Variants in MLIP observed in about 807,000 individuals in gnomAD.
The protein encoded by MLIP is muscular LMNA-interacting protein.
A neutral mutation model predicts 84.8 loss-of-function variants in MLIP; 79 were observed. The observed-to-expected ratio is 0.93, with a 90% CI of 0.78 to 1.12. MLIP has a LOEUF of 1.12. Ranked by LOEUF, MLIP falls within the 50% of genes most tolerant of loss-of-function variation. The probability of loss-of-function intolerance (pLI) is 0.00; values close to 1 mark genes in which losing one functional copy is unlikely to be tolerated. For missense variants in MLIP, 1,257 were observed against 1,160.6 expected (o/e 1.08, Z -1.21); for synonymous variants, 504 against 463.0 (o/e 1.09, Z -1.14).
chr6:54,032,835 T>C (rs1431971463), intron 1 of MLIP, among the ~76,000 whole-genome samples: 1 of 152,204 alleles, frequency 6.6e-6, no homozygotes, highest in Non-Finnish European at 1.5e-5. Context: ...ATTTTTTGGT[T>C]TCCCATGTGT....
At position 54,019,100 on chromosome 6, in the gene MLIP, T is replaced by C. The variant is rs774039599; in HGVS notation, c.63+9T>C. 3 of 1,611,370 alleles carry C rather than the reference T, an allele frequency of 1.9e-6. No individual in the cohort carries two copies. In the South Asian group the frequency reaches 3.3e-5, roughly 18 times the overall value. ...TAGAGGAGAAACTGACGGTAAGACATGAGATTTAGCACACACAGATTTATA... is the reference window on the plus strand; with the variant it reads ...TAGAGGAGAAACTGACGGTAAGACACGAGATTTAGCACACACAGATTTATA... On this transcript the variant is annotated intron_variant, in intron 1 of 12. Coordinates refer to the MLIP transcript ENST00000274897.
chr6:54,173,742 TTTAG>T (rs571207326), intron 9 of MLIP, among the ~76,000 whole-genome samples: 38 of 152,084 alleles, frequency 2.5e-4, no homozygotes, highest in African/African-American at 9.1e-4. Flanking sequence ...ATTATACTCT[TTTAG>T]TTATTTTAAA....
At chr6:54,222,654 T>C (rs1414149322) in intron 11 of MLIP, among the ~76,000 whole-genome samples, 1 of 152,144 alleles carries the variant, frequency 6.6e-6, no homozygotes, top group Admixed American at 6.6e-5. Context: ...TATTCCCATT[T>C]CTTGGCTATA....
intron 1 of MLIP, among the ~76,000 whole-genome samples, chr6:54,089,684 G>A (rs1406438817): frequency 2.0e-5 from 3 of 152,070 alleles, no homozygotes; most frequent in Non-Finnish European, 2.9e-5. Context: ...CCAAATATAC[G>A]TGAAGAATTT....
chr6:54,095,059 A>ACAGC (rs1057399100), intron 1 of MLIP, among the ~76,000 whole-genome samples: 4 of 152,200 alleles, frequency 2.6e-5, no homozygotes, highest in African/African-American at 9.7e-5. Flanking sequence ...ACCACGCTCC[A>ACAGC]CAGCCAGCCA....
chr6:54,106,057 T>C (rs1457170950), intron 1 of MLIP, among the ~76,000 whole-genome samples: 1 of 152,032 alleles, frequency 6.6e-6, no homozygotes, highest in Non-Finnish European at 1.5e-5. Flanking sequence ...GAGATGGAGA[T>C]TAGCATGCAA....
intron 8 of MLIP, among the ~76,000 whole-genome samples, chr6:54,165,897 A>G (rs1251527517): frequency 6.6e-6 from 1 of 151,912 alleles, no homozygotes; most frequent in East Asian, 1.9e-4. Flanking sequence ...TCCCTTACAA[A>G]ACAGTCCAGA....
intron 11 of MLIP, among the ~76,000 whole-genome samples, chr6:54,208,285 T>A (rs1779182340): frequency 6.6e-6 from 1 of 152,094 alleles, no homozygotes. Context: ...GATTAGAAAG[T>A]TCAAAAATTT....
intron 1 of MLIP, among the ~76,000 whole-genome samples, chr6:54,082,442 T>C (rs189602004): frequency 5.9e-5 from 9 of 152,326 alleles, no homozygotes; most frequent in Admixed American, 2.0e-4. Flanking sequence ...ACCACTCCCA[T>C]GATCCAATCA....
intron 11 of MLIP, among the ~76,000 whole-genome samples, chr6:54,213,440 G>A (rs1779601034): frequency 6.6e-6 from 1 of 152,160 alleles, no homozygotes; most frequent in Admixed American, 6.5e-5. Context: ...GGTGGCTCAC[G>A]CCTGTAATCC....
At chr6:54,019,412 C>T (rs10484652) in intron 1 of MLIP, among the ~76,000 whole-genome samples, 84,379 of 151,886 alleles carry the variant, frequency 0.56, 25,482 homozygotes, top group Non-Finnish European at 0.69. Context: ...TTTACGTATG[C>T]GAAGCTTAGC....
intron 5 of MLIP, among the ~76,000 whole-genome samples, chr6:54,153,124 A>G (rs1479876763): frequency 6.6e-6 from 1 of 152,164 alleles, no homozygotes; most frequent in Non-Finnish European, 1.5e-5. Flanking sequence ...AGAATTCTGG[A>G]GCAGCTCAGT....
chr6:54,124,827 A>G lies in MLIP; in HGVS notation c.607A>G (p.Met203Val), dbSNP rs749389833. The G allele has an allele frequency of 6.2e-7, 1 of 1,609,208 alleles. No individual in the cohort carries two copies. The highest frequency in any genetic ancestry group is 8.5e-7 in the Non-Finnish European group (1 of 1,177,604). ...TDLKTSSHPE[M>V]LHGMAPQQKH... ...TCTCAAGACCTCATCACATCCTGAA[A>G]TGCTTCATGGGATGGCCCCTCAGCA... is the stretch of plus-strand genomic sequence containing the variant. Residue 203 changes from methionine (M) to valine (V), a missense_variant, in exon 3 of 14, where the codon ATG becomes GTG. Transcript: ENST00000502396.
chr6:54,021,458 A>G (rs1763495894), intron 1 of MLIP, among the ~76,000 whole-genome samples: 1 of 152,188 alleles, frequency 6.6e-6, no homozygotes, highest in Non-Finnish European at 1.5e-5. Flanking sequence ...AAAATTTCTA[A>G]GGTAAGATCT....
chr6:54,242,992 C>T (rs1214732067), intron 12 of MLIP, among the ~76,000 whole-genome samples: 1 of 152,290 alleles, frequency 6.6e-6, no homozygotes, highest in East Asian at 1.9e-4. Context: ...GTGCAAAGCA[C>T]TGTGTTTGTG....
chr6:54,118,188 A>G (rs1770123608), intron 1 of MLIP, among the ~76,000 whole-genome samples: 1 of 152,234 alleles, frequency 6.6e-6, no homozygotes, highest in Non-Finnish European at 1.5e-5. Context: ...TTATGGAACT[A>G]CACAAGAGCC....
chr6:54,249,787 A>G (rs1442731573), intron 12 of MLIP, among the ~76,000 whole-genome samples: 2 of 151,890 alleles, frequency 1.3e-5, no homozygotes, highest in Non-Finnish European at 2.9e-5. Context: ...ACGTGTGTGT[A>G]TATATATGTT....
At chr6:54,113,122 T>A (rs1032243340) in intron 1 of MLIP, among the ~76,000 whole-genome samples, 13 of 152,174 alleles carry the variant, frequency 8.5e-5, no homozygotes, top group Non-Finnish European at 1.9e-4. Flanking sequence ...TAATGAAGAC[T>A]TTCATATATT....
Position 54,124,653 on chromosome 6 carries a change from G to T in MLIP, c.433G>T (p.Asp145Tyr). ...LFKAEYVLIV[D>Y]SEGEDEAASR... ...CAAAGCTGAATATGTCCTTATTGTG[G>T]ACTCCGAAGGGGAAGATGAGGCTGC... Residue 145 changes from aspartate (D) to tyrosine (Y), a missense_variant, in exon 3 of 14, where the codon GAC (aspartate) becomes TAC (tyrosine). Asp to Tyr is a radical substitution (Grantham distance 160). Transcript: ENST00000502396. 1 of 1,614,170 alleles carries T rather than the reference G, an allele frequency of 6.2e-7. No individual in the cohort carries two copies. The highest frequency in any genetic ancestry group is 8.5e-7 in the Non-Finnish European group (1 of 1,180,022).
Sources: allele counts gnomAD v4.1 joint callset (sites outside exome capture counted in the v4.1 genomes callset), GRCh38; gene constraint gnomAD v4.1.1; transcripts MANE v1.5; gene names NCBI Gene and HGNC (gene_info 2026-07-23, HGNC 2026-07-21).